The following TM2D2 variants were observed in gnomAD, a reference collection of about 807,000 sequenced individuals.
TM2D2 encodes the protein TM2 domain-containing protein 2.
Under a neutral mutation model 23.0 loss-of-function variants are expected in TM2D2, and 19 were observed. The ratio of observed to expected loss-of-function variants is 0.82; its 90% CI spans 0.58 to 1.21. The LOEUF (loss-of-function observed/expected upper bound fraction) is 1.21, where lower values mean the gene tolerates loss of function less well. TM2D2 is among the 50% of genes most tolerant of loss of function. The probability of loss-of-function intolerance (pLI) is 0.00; values close to 1 mark genes in which losing one functional copy is unlikely to be tolerated. For synonymous variants in TM2D2, 120 were observed against 108.8 expected (o/e 1.10, Z -0.64); for missense variants, 246 against 265.4 (o/e 0.93, Z 0.51).
intron 1 of TM2D2, 118 bp from the exon 2 acceptor site, chr8:38,995,523 T>C: frequency 6.4e-7 from 1 of 1,562,400 alleles, no homozygotes; most frequent in Non-Finnish European, 8.6e-7. Flanking sequence ...TGGGGTTCGG[T>C]TTCACCCTGC....
rs1423708603 is a variant in TM2D2 at position 38,990,377 on chromosome 8, G to A, written c.*955C>T. ...AGTTCTTTCAACTTAGATTGCAAAC[G>A]ATGAGAACTGAGTTTTTAAAACCAC... On this transcript the variant is annotated 3_prime_UTR_variant, in exon 4 of 4. Coordinates refer to ENST00000456397, the MANE Select transcript of TM2D2 (RefSeq NM_078473.3). 6.6e-6 allele frequency: 1 copy of A among 152,162 alleles called. No individual in the cohort carries two copies. The highest frequency in any genetic ancestry group is 1.5e-5 in the Non-Finnish European group (1 of 68,038). The allele number at this position is 152,162 out of a possible 1,614,324, so 9.4% of individuals were successfully genotyped here. A position where few individuals can be genotyped will look rare whatever the true frequency, so the allele number is the denominator to read the frequency against.
In TM2D2 at chr8:38,991,585, G is replaced by A. The variant is rs200606749; in HGVS notation, c.432-40C>T. ...TGAAAAGGAAGATGTTTTACTGCAC[G>A]AAAATTTAAACCCTTAAGGATTAGT... On this transcript the variant is annotated intron_variant, in intron 3 of 3. Coordinates refer to ENST00000456397, the MANE Select transcript of TM2D2 (RefSeq NM_078473.3). The A allele has an allele frequency of 2.8e-5, 42 of 1,478,110 alleles. No individual in the cohort carries two copies. The African/African-American group carries it at 3.5e-4, about 12-fold the overall frequency. 91.6% of individuals were successfully genotyped at this position (1,478,110 alleles called of 1,614,324 possible). A position where few individuals can be genotyped will look rare whatever the true frequency, so the allele number is the denominator to read the frequency against.
At chr8:38,996,890 T>A (rs1835823863), upstream of TM2D2, 4 of 1,468,272 alleles carry the variant, frequency 2.7e-6, no homozygotes, top group Admixed American at 6.5e-5. Flanking sequence ...GGGAGCGAGC[T>A]CGGACCGAGG....
chr8:38,994,415 T>C (rs1249150781), intron 2 of TM2D2, among the ~76,000 whole-genome samples: 1 of 152,238 alleles, frequency 6.6e-6, no homozygotes, highest in Admixed American at 6.5e-5. Flanking sequence ...ACTCAATTTT[T>C]AATTAAAATG....
chr8:38,991,607 T>A, intron 3 of TM2D2, 62 bp from the exon 4 acceptor site: 1 of 1,274,214 alleles, frequency 7.8e-7, no homozygotes, highest in South Asian at 1.2e-5. Context: ...CCTTAAGGAT[T>A]AGTGAATTTA....
In TM2D2 at chr8:38,991,213, C is replaced by G; in HGVS notation, c.*119G>C. 1 of 873,586 alleles carries G rather than the reference C, an allele frequency of 1.1e-6. No individual in the cohort carries two copies. Among genetic ancestry groups the G allele is most frequent in the Non-Finnish European group, 1.8e-6 (1 of 567,328 alleles). 54.1% of individuals were successfully genotyped at this position (873,586 alleles called of 1,614,324 possible). A position where few individuals can be genotyped will look rare whatever the true frequency, so the allele number is the denominator to read the frequency against. On this transcript the variant is annotated 3_prime_UTR_variant, in exon 4 of 4. Coordinates refer to ENST00000456397, the MANE Select transcript of TM2D2 (RefSeq NM_078473.3). Reference sequence around the variant, plus strand: ...GAAGCCTTCTTAACCAAACAAATGCCCTCCAAAAGAAGGAAAATAACATCA... The same window carrying G: ...GAAGCCTTCTTAACCAAACAAATGCGCTCCAAAAGAAGGAAAATAACATCA...
At chr8:38,996,942 C>T (rs984786006), upstream of TM2D2, 190 of 1,458,366 alleles carry the variant, frequency 1.3e-4, no homozygotes, top group Non-Finnish European at 1.7e-4. Flanking sequence ...GTCGGGCGCG[C>T]GTGCTCGTCG....
Position 38,989,186 on chromosome 8 carries a change from CT to C in TM2D2, c.*2145del, listed in dbSNP as rs1482317645. 6.6e-6 allele frequency: 1 copy of C among 152,226 alleles called. No individual in the cohort carries two copies. 9.4% of individuals were successfully genotyped at this position (152,226 alleles called of 1,614,324 possible). A position where few individuals can be genotyped will look rare whatever the true frequency, so the allele number is the denominator to read the frequency against. On this transcript the variant is annotated 3_prime_UTR_variant, in exon 4 of 4. Coordinates refer to ENST00000456397, the MANE Select transcript of TM2D2 (RefSeq NM_078473.3). Reference sequence around the variant, plus strand: ...ACCACTCTAGCAGCGAGAACAACTTCTTTTGTCTCCAGCAGCTTTACTGACA... The same window carrying C: ...ACCACTCTAGCAGCGAGAACAACTTCTTTGTCTCCAGCAGCTTTACTGACA...
At chr8:38,995,440 T>C (rs999038282) in intron 1 of TM2D2, 35 bp from the exon 2 acceptor site, 1 of 1,608,446 alleles carries the variant, frequency 6.2e-7, no homozygotes, top group African/African-American at 1.3e-5. Flanking sequence ...ATCATCATCA[T>C]ACGGTCTTTG....
intron 1 of TM2D2, 47 bp downstream of exon 1, chr8:38,996,166 C>T: frequency 6.3e-7 from 1 of 1,585,922 alleles, no homozygotes; most frequent in Non-Finnish European, 8.6e-7. Flanking sequence ...CCCATATATT[C>T]CTGGCACACC....
At position 38,995,383 on chromosome 8, in the gene TM2D2, C is replaced by CTATAAATTCAT; in HGVS notation, c.249_250insATGAATTTATA (p.Glu84MetfsTer4). On this transcript the variant is annotated frameshift_variant, in exon 2 of 4. Coordinates refer to ENST00000456397, the MANE Select transcript of TM2D2 (RefSeq NM_078473.3). LOFTEE classifies it high-confidence loss of function. The stretch of plus-strand genomic sequence containing the variant: ...TTTCCAACATGATCCACTGGGTCTT[C>CTATAAATTCAT]ACATTCTATAAATTCATCAGGTCTG... 6.2e-7 allele frequency: 1 copy of CTATAAATTCAT among 1,612,256 alleles called. No individual in the cohort carries two copies. The highest frequency in any genetic ancestry group is 1.7e-4 in the Middle Eastern group (1 of 6,054).
chr8:38,992,303 CAAAAAAAA>C (rs11332696), intron 3 of TM2D2, among the ~76,000 whole-genome samples: 2 of 47,416 alleles, frequency 4.2e-5, no homozygotes, highest in East Asian at 8.5e-4. Flanking sequence ...CTGTTTCTAC[CAAAAAAAA>C]AAAAAAAAAA....
At position 38,991,257 on chromosome 8, in the gene TM2D2, A is replaced by G; in HGVS notation, c.*75T>C. 2.5e-6 allele frequency: 3 copies of G among 1,201,308 alleles called. No homozygotes were observed. The highest frequency in any genetic ancestry group is 3.6e-6 in the Non-Finnish European group (3 of 831,462). The allele number at this position is 1,201,308 out of a possible 1,614,324, so 74.4% of individuals were successfully genotyped here. A position where few individuals can be genotyped will look rare whatever the true frequency, so the allele number is the denominator to read the frequency against. On this transcript the variant is annotated 3_prime_UTR_variant, in exon 4 of 4. Transcript: ENST00000456397. ...AACATCAGGTCTGATATCAAAGAGG[A>G]GTTTTGAGCCTGTAGAGATGAATTC...
At chr8:38,993,095 T>G (rs940802384) in intron 3 of TM2D2, among the ~76,000 whole-genome samples, 2 of 152,146 alleles carry the variant, frequency 1.3e-5, no homozygotes, top group African/African-American at 4.8e-5. Flanking sequence ...TGGGGCTAGA[T>G]CATCTGGCCC....
rs1234407746 is a variant in TM2D2, at chr8:38,996,479, A to G, written c.-40T>C. The G allele has an allele frequency of 8.7e-6, 14 of 1,611,216 alleles. No homozygotes were observed. Among genetic ancestry groups the G allele is most frequent in the Non-Finnish European group, 1.1e-5 (13 of 1,178,438 alleles). On this transcript the variant is annotated 5_prime_UTR_variant, in exon 1 of 4. Coordinates refer to ENST00000456397, the MANE Select transcript of TM2D2 (RefSeq NM_078473.3). Reference sequence around the variant, plus strand: ...GAGCGGAGACCCGGCCTCAACCACAACCCCAGGCCAGCAGCACAGACCCAA... The same window carrying G: ...GAGCGGAGACCCGGCCTCAACCACAGCCCCAGGCCAGCAGCACAGACCCAA...
chr8:38,996,099 C>T (rs944914961), intron 1 of TM2D2, 114 bp downstream of exon 1: 7 of 1,276,246 alleles, frequency 5.5e-6, no homozygotes, highest in Non-Finnish European at 7.4e-6. Flanking sequence ...GGAACGACCT[C>T]AGAGAGGCAG....
chr8:38,989,621 A>G lies in TM2D2; in HGVS notation c.*1711T>C, dbSNP rs1304804452. The G allele has an allele frequency of 6.6e-6, 1 of 152,200 alleles. No homozygotes were observed. The highest frequency in any genetic ancestry group is 1.9e-4 in the East Asian group (1 of 5,202). 9.4% of individuals were successfully genotyped at this position (152,200 alleles called of 1,614,324 possible). ...AGGCTTGCACCATTGCGCTGGCCCT[A>G]AAGTTTCTTATTTTTTAAAGAAAAC... is the stretch of plus-strand genomic sequence containing the variant. On this transcript the variant is annotated 3_prime_UTR_variant, in exon 4 of 4. Transcript: ENST00000456397.
At position 38,993,521 on chromosome 8, in the gene TM2D2, T is replaced by G. The variant is rs764133346; in HGVS notation, c.431+24A>C. 4 of 1,553,848 alleles carry G rather than the reference T, an allele frequency of 2.6e-6. No homozygotes were observed. In the South Asian group the frequency reaches 3.4e-5, roughly 13 times the overall value. On this transcript the variant is annotated intron_variant, in intron 3 of 3. Coordinates refer to ENST00000456397, the MANE Select transcript of TM2D2 (RefSeq NM_078473.3). Reference sequence around the variant, plus strand: ...GCTCTACCTCCAACCAAGTACCAACTACTCCAATCAAAGTAACACTTACTT... The same window carrying G: ...GCTCTACCTCCAACCAAGTACCAACGACTCCAATCAAAGTAACACTTACTT...
At chr8:38,992,832 G>A (rs114377949) in intron 3 of TM2D2, among the ~76,000 whole-genome samples, 160 of 152,296 alleles carry the variant, frequency 1.1e-3, no homozygotes, top group African/African-American at 3.6e-3. Context: ...GTTTTGAGCA[G>A]CGAAAAGCGA....
Sources: allele counts gnomAD v4.1 joint callset (sites outside exome capture counted in the v4.1 genomes callset), GRCh38; gene constraint gnomAD v4.1.1; transcripts MANE v1.5; gene names NCBI Gene and HGNC (gene_info 2026-07-23, HGNC 2026-07-21).